The following OCIAD2 variants were observed in gnomAD, a reference collection of about 807,000 sequenced individuals.
OCIAD2 encodes OCIA domain containing 2.
In OCIAD2, 29 loss-of-function variants were observed where a neutral mutation model predicts 22.9. That is an observed-to-expected ratio of 1.27 (90% confidence interval 0.94 to 1.73). OCIAD2 has a LOEUF of 1.73. Among genes scored for constraint, OCIAD2 ranks in the 40% most tolerant of loss-of-function variants. The probability of loss-of-function intolerance (pLI) is 0.00; values close to 1 mark genes in which losing one functional copy is unlikely to be tolerated. For missense variants in OCIAD2, 189 were observed against 180.3 expected, an observed-to-expected ratio of 1.05 and a Z score of -0.28; for synonymous variants, 67 against 60.2, an observed-to-expected ratio of 1.11 and a Z score of -0.52.
intron 1 of OCIAD2, among the ~76,000 whole-genome samples, chr4:48,906,336 G>GT (rs1781525509): frequency 6.6e-6 from 1 of 152,200 alleles, no homozygotes; most frequent in African/African-American, 2.4e-5. Context: ...AGCATGGGGG[G>GT]CGGGGGTGCT....
intron 5 of OCIAD2, chr4:48,893,308 A>C (rs570035574): frequency 6.5e-6 from 1 of 153,030 alleles, no homozygotes; most frequent in Non-Finnish European, 1.5e-5. Context: ...TATAGGAGAG[A>C]GGTCACAAAG....
At chr4:48,887,613 G>GT (rs1422206459) in intron 6 of OCIAD2, among the ~76,000 whole-genome samples, 3 of 152,108 alleles carry the variant, frequency 2.0e-5, no homozygotes, top group Non-Finnish European at 2.9e-5. Context: ...CCCATTTCTT[G>GT]TTTTTTCAGG....
At chr4:48,900,908 T>A (rs1354401261) in intron 2 of OCIAD2, among the ~76,000 whole-genome samples, 2 of 152,128 alleles carry the variant, frequency 1.3e-5, no homozygotes, top group African/African-American at 4.8e-5. Flanking sequence ...GGTGTTTTTT[T>A]AATCAAGTTC....
chr4:48,891,112 C>T (rs1781169036), intron 6 of OCIAD2, among the ~76,000 whole-genome samples: 1 of 152,112 alleles, frequency 6.6e-6, no homozygotes, highest in South Asian at 2.1e-4. Context: ...CCCAGAATCC[C>T]CTTCTTCAAC....
At chr4:48,903,649 T>C (rs891087468) in intron 2 of OCIAD2, among the ~76,000 whole-genome samples, 8 of 146,928 alleles carry the variant, frequency 5.4e-5, no homozygotes, top group African/African-American at 7.6e-5. Flanking sequence ...TTTTTTTTTT[T>C]TTTTTTCTTT....
chr4:48,904,676 C>T, intron 1 of OCIAD2, 65 bp from the exon 2 acceptor site: 1 of 871,212 alleles, frequency 1.1e-6, no homozygotes, highest in South Asian at 1.4e-5. Flanking sequence ...TAAAAGCATC[C>T]TGAGGATCCA....
chr4:48,890,712 A>G (rs1372957997), intron 6 of OCIAD2, among the ~76,000 whole-genome samples: 1 of 152,192 alleles, frequency 6.6e-6, no homozygotes, highest in Admixed American at 6.5e-5. Flanking sequence ...TACAAATTCA[A>G]CAAACATTTA....
intron 3 of OCIAD2, among the ~76,000 whole-genome samples, 158 bp downstream of exon 3, chr4:48,899,671 A>G (rs376131271): frequency 1.3e-5 from 2 of 152,200 alleles, no homozygotes; most frequent in South Asian, 2.1e-4. Context: ...TCTGCCCTAA[A>G]AAAGGTCTGA....
rs372377058 is a variant in OCIAD2, at chr4:48,894,028, A to G, written c.243T>C (p.Phe81=). The change falls in exon 5 of 7, where the codon TTT becomes TTC. Residue 81 remains phenylalanine, a synonymous_variant. Transcript: ENST00000508632. ...TACGTGCAACTTTGGGCAATGATCCAAATCTAGAATTAGCTGCCAAATAAC... is the reference window on the plus strand; with the variant it reads ...TACGTGCAACTTTGGGCAATGATCCGAATCTAGAATTAGCTGCCAAATAAC... The part of the protein sequence containing the change: ...YQGYLAANSR[F]GSLPKVALAG... 2 of 1,510,848 alleles carry G rather than the reference A, an allele frequency of 1.3e-6. No homozygotes were observed. The highest frequency in any genetic ancestry group is 1.8e-6 in the Non-Finnish European group (2 of 1,123,760). 93.6% of individuals were successfully genotyped at this position (1,510,848 alleles called of 1,614,324 possible).
In OCIAD2 at chr4:48,902,560, T is replaced by C. The variant is rs112673769; in HGVS notation, c.66+1924A>G. Among the ~76,000 whole-genome samples, 358 of 152,326 alleles carry C rather than the reference T, an allele frequency of 2.4e-3. 1 individual carries two copies. The highest frequency in any genetic ancestry group is 8.3e-3 in the African/African-American group (345 of 41,570). ...TTACCTTCCTTACTTAGCACAGGCA[T>C]GCCTCCAGATGCCCAGGGTGAATAT... On this transcript the variant is annotated intron_variant, in intron 2 of 6. Coordinates refer to ENST00000508632, the MANE Select transcript of OCIAD2 (RefSeq NM_001014446.3).
At chr4:48,893,296 C>T (rs149419231) in intron 5 of OCIAD2, 409 of 153,592 alleles carry the variant, frequency 2.7e-3, no homozygotes, top group Non-Finnish European at 4.2e-3. Context: ...GTCCATCTTG[C>T]CTATAGGAGA....
intron 1 of OCIAD2, among the ~76,000 whole-genome samples, chr4:48,906,238 C>G (rs966610727): frequency 1.3e-5 from 2 of 152,108 alleles, no homozygotes; most frequent in Non-Finnish European, 2.9e-5. Flanking sequence ...TGGGGTGGTC[C>G]GGGGACCCTC....
At chr4:48,904,644 G>T in intron 1 of OCIAD2, 33 bp from the exon 2 acceptor site, 1 of 1,109,150 alleles carries the variant, frequency 9.0e-7, no homozygotes, top group Non-Finnish European at 1.4e-6. Flanking sequence ...ACTATGCCAT[G>T]ACTAAATGTT....
In OCIAD2 at chr4:48,885,434, G is replaced by T; in HGVS notation, c.*50C>A. The T allele has an allele frequency of 1.1e-6, 1 of 933,926 alleles. No individual in the cohort carries two copies. Among genetic ancestry groups the T allele is most frequent in the Non-Finnish European group, 1.7e-6 (1 of 571,718 alleles). The allele number at this position is 933,926 out of a possible 1,614,324, so 57.9% of individuals were successfully genotyped here. Reference sequence around the variant, plus strand: ...TTAAAGTACACTTGAAATTTTAAATGTGTACAAATTCAGAGGTTTAAAAAA... The same window carrying T: ...TTAAAGTACACTTGAAATTTTAAATTTGTACAAATTCAGAGGTTTAAAAAA... On this transcript the variant is annotated 3_prime_UTR_variant, in exon 7 of 7. Transcript: ENST00000508632.
Position 48,897,873 on chromosome 4 carries a change from G to A in OCIAD2, c.164-16C>T. On this transcript the variant is annotated splice_polypyrimidine_tract_variant and intron_variant, in intron 3 of 6. Transcript: ENST00000508632. ...AAAGGCAGAGCTGTAAAGCAAAAAT[G>A]TCCTTCAATATTGGTATTTTAAAAA... The A allele has an allele frequency of 1.2e-6, 2 of 1,605,156 alleles. No homozygotes were observed. Among genetic ancestry groups the A allele is most frequent in the Non-Finnish European group, 1.7e-6 (2 of 1,172,506 alleles).
intron 3 of OCIAD2, among the ~76,000 whole-genome samples, chr4:48,898,248 A>G (rs1446765938): frequency 6.6e-6 from 1 of 152,228 alleles, no homozygotes; most frequent in Non-Finnish European, 1.5e-5. Context: ...TCCTACACAA[A>G]TGATAAAAAG....
At position 48,904,603 on chromosome 4, in the gene OCIAD2, A is replaced by T; in HGVS notation, c.-54T>A. 3.4e-6 allele frequency: 5 copies of T among 1,491,954 alleles called. No individual in the cohort carries two copies. The South Asian group carries it at 4.5e-5, about 13-fold the overall frequency. The allele number at this position is 1,491,954 out of a possible 1,614,324, so 92.4% of individuals were successfully genotyped here. On this transcript the variant is annotated 5_prime_UTR_variant, in exon 2 of 7. Coordinates refer to ENST00000508632, the MANE Select transcript of OCIAD2 (RefSeq NM_001014446.3). ...TTGTTTATCCTCTGCTTACTCCTTG[A>T]CCCAGTGTCTAAGGAAGGTAGAAGA...
intron 6 of OCIAD2, among the ~76,000 whole-genome samples, chr4:48,887,878 G>A (rs1781039102): frequency 6.6e-6 from 1 of 152,162 alleles, no homozygotes; most frequent in Non-Finnish European, 1.5e-5. Context: ...TGTGAAGAAA[G>A]TCATTGGTAG....
At chr4:48,906,365 G>C (rs1216376597) in intron 1 of OCIAD2, among the ~76,000 whole-genome samples, 2 of 152,174 alleles carry the variant, frequency 1.3e-5, no homozygotes, top group South Asian at 2.1e-4. Context: ...TGGCTTGGAG[G>C]GGGGCGCCTG....
Sources: gnomAD v4.1 joint callset for allele counts (sites outside exome capture counted in the v4.1 genomes callset) on GRCh38, gnomAD v4.1.1 for gene constraint, MANE v1.5 for transcripts, NCBI Gene and HGNC (gene_info 2026-07-23, HGNC 2026-07-21) for gene names.